Variants in EIF2D observed in about 807,000 individuals in gnomAD.
The protein encoded by EIF2D is eukaryotic translation initiation factor 2D, also known as hepatocellular carcinoma-associated antigen 56.
In EIF2D, 56 loss-of-function variants were observed where a neutral mutation model predicts 77.4. The observed-to-expected ratio is 0.72, with a 90% CI of 0.58 to 0.90. EIF2D has a LOEUF of 0.90. Ranked by LOEUF, EIF2D falls within the 40% of genes least tolerant of loss-of-function variation. EIF2D has a pLI of 0.00. For synonymous variants in EIF2D, 230 were observed against 271.0 expected, an observed-to-expected ratio of 0.85 and a Z score of 1.49; for missense variants, 574 against 706.5, an observed-to-expected ratio of 0.81 and a Z score of 2.13.
At chr1:206,593,508 A>AGAGTGTGTGT (rs10533643) in intron 14 of EIF2D, 111 bp downstream of exon 14, 43 of 401,558 alleles carry the variant, frequency 1.1e-4, no homozygotes, top group African/African-American at 4.9e-4. Flanking sequence ...AGAGAGAGAG[A>AGAGTGTGTGT]GTGTGTGTGT....
At chr1:206,582,452 A>G (rs1553406568) in intron 2 of EIF2D, among the ~76,000 whole-genome samples, 3 of 152,210 alleles carry the variant, frequency 2.0e-5, no homozygotes, top group Admixed American at 2.0e-4. Flanking sequence ...TCTTAGTCTC[A>G]ATAGTCTCAC....
At position 206,591,677 on chromosome 1, in the gene EIF2D, T is replaced by C. The variant is rs990729833; in HGVS notation, c.*98A>G. 9.2e-6 allele frequency: 10 copies of C among 1,090,122 alleles called. No individual in the cohort carries two copies. Among genetic ancestry groups the C allele is most frequent in the Middle Eastern group, 4.0e-4 (2 of 4,960 alleles). 67.5% of individuals were successfully genotyped at this position (1,090,122 alleles called of 1,614,324 possible). A position where few individuals can be genotyped will look rare whatever the true frequency, so the allele number is the denominator to read the frequency against. ...AATAAAAATTTATTTTTGTAAAGAA[T>C]TATATTTTGTATTTGCAAAAGCTGA... On this transcript the variant is annotated 3_prime_UTR_variant, in exon 15 of 15. Transcript: ENST00000271764.
In EIF2D at chr1:206,600,306, G is replaced by C; in HGVS notation, c.905C>G (p.Pro302Arg). The C allele has an allele frequency of 6.2e-7, 1 of 1,613,824 alleles. No homozygotes were observed. Among genetic ancestry groups the C allele is most frequent in the South Asian group, 1.1e-5 (1 of 91,044 alleles). The change falls in exon 8 of 15, where the codon CCC (proline) becomes CGC (arginine). Residue 302 changes from proline to arginine, a missense_variant and splice_region_variant. Coordinates refer to ENST00000271764, the MANE Select transcript of EIF2D (RefSeq NM_006893.3). ...CTTTATGTCCAGTTGTCGTCCTTCG[G>C]GGCTGATGGCAGATGGAAAAGGCAA... The part of the protein sequence containing the change: ...FLGSHMFSCC[P>R]EGRQLDIKKS...
chr1:206,590,100 GA>G (rs1426748712), downstream of EIF2D, among the ~76,000 whole-genome samples: 1 of 152,156 alleles, frequency 6.6e-6, no homozygotes, highest in Admixed American at 6.5e-5. Context: ...TAGCACATAG[GA>G]AAAAGAACCT....
chr1:206,581,327 G>T, intron 2 of EIF2D, among the ~76,000 whole-genome samples: 2 of 152,310 alleles, frequency 1.3e-5, no homozygotes, highest in South Asian at 4.1e-4. Flanking sequence ...GCTGGGTGCG[G>T]TGGCTCACAC....
exon 5 of EIF2D, chr1:206,572,598 G>A (rs1358640512): frequency 1.3e-5 from 2 of 152,146 alleles, no homozygotes; most frequent in African/African-American, 4.8e-5. Flanking sequence ...GCCCTACCTG[G>A]GACTGAACAG....
intron 2 of EIF2D, chr1:206,585,313 G>A (rs1272139525): frequency 3.1e-6 from 5 of 1,603,984 alleles, no homozygotes; most frequent in Admixed American, 1.7e-5. Flanking sequence ...TGGACCCATT[G>A]TGCAAACCCA....
chr1:206,603,026 A>T lies in EIF2D; in HGVS notation c.709T>A (p.Ser237Thr). The T allele has an allele frequency of 6.2e-7, 1 of 1,613,872 alleles. No individual in the cohort carries two copies. Among genetic ancestry groups the T allele is most frequent in the East Asian group, 2.2e-5 (1 of 44,866 alleles). Residue 237 changes from serine (S) to threonine (T), a missense_variant, in exon 6 of 15, where the codon TCT (serine) becomes ACT (threonine). Physicochemically the swap from Ser to Thr is moderately conservative, Grantham distance 58 (BLOSUM62 1). Coordinates refer to ENST00000271764, the MANE Select transcript of EIF2D (RefSeq NM_006893.3). ...GEVHQAREDK[S>T]LSEAPEDTST... ...GTGTCTTCTGGGGCTTCTGAGAGAG[A>T]CTTGTCTTCACGTGCCTGGTGAACC...
chr1:206,606,711 C>T (rs1474840634), intron 4 of EIF2D, among the ~76,000 whole-genome samples: 36 of 152,110 alleles, frequency 2.4e-4, no homozygotes, highest in African/African-American at 8.7e-4. Flanking sequence ...CCCTCCCATG[C>T]CTACCATCGC....
At chr1:206,600,422 GCC>G in intron 7 of EIF2D, 114 bp from the exon 8 acceptor site, 1 of 909,806 alleles carries the variant, frequency 1.1e-6, no homozygotes, top group Non-Finnish European at 1.7e-6. Context: ...TCAGAGAGAG[GCC>G]ACTGTGCCAG....
intron 2 of EIF2D, among the ~76,000 whole-genome samples, chr1:206,583,881 C>T (rs527848744): frequency 6.6e-6 from 1 of 152,296 alleles, no homozygotes; most frequent in East Asian, 1.9e-4. Context: ...CATCAGCTGG[C>T]TCTTTGGGGT....
chr1:206,586,441 GC>G (rs1669113639), intron 2 of EIF2D: 1 of 196,738 alleles, frequency 5.1e-6, no homozygotes, highest in Admixed American at 5.6e-5. Flanking sequence ...GTGGAGTCAG[GC>G]CCAACCCCGG....
At chr1:206,590,318 C>T (rs1326288723), downstream of EIF2D, among the ~76,000 whole-genome samples, 1 of 152,224 alleles carries the variant, frequency 6.6e-6, no homozygotes, top group Admixed American at 6.5e-5. Flanking sequence ...CTACCACTTA[C>T]TGGCTTTGTG....
chr1:206,585,436 G>C (rs1175449083), intron 2 of EIF2D: 1 of 669,256 alleles, frequency 1.5e-6, no homozygotes, highest in Admixed American at 2.2e-5. Context: ...GAGCAGGGGT[G>C]GGTGATGGGC....
chr1:206,586,936 AC>A, downstream of EIF2D: 1 of 1,614,166 alleles, frequency 6.2e-7, no homozygotes, highest in Non-Finnish European at 8.5e-7. Flanking sequence ...TTAGGCAGAA[AC>A]TGGAGGAGGC....
intron 5 of EIF2D, chr1:206,603,448 A>C (rs928055354): frequency 8.2e-6 from 4 of 487,632 alleles, no homozygotes; most frequent in Non-Finnish European, 1.5e-5. Flanking sequence ...TCCCTATCCC[A>C]AAAGAATAAT....
At chr1:206,590,050 T>G (rs1359821888), downstream of EIF2D, among the ~76,000 whole-genome samples, 1 of 152,232 alleles carries the variant, frequency 6.6e-6, no homozygotes, top group Non-Finnish European at 1.5e-5. Flanking sequence ...GTTAATAAAT[T>G]CAAAGTTGTA....
chr1:206,592,867 C>T lies in EIF2D; in HGVS notation c.1684+752G>A, dbSNP rs1333932133. Among the ~76,000 whole-genome samples, 7 of 151,956 alleles carry T rather than the reference C, an allele frequency of 4.6e-5. No individual in the cohort carries two copies. The highest frequency in any genetic ancestry group is 6.6e-5 in the Admixed American group (1 of 15,266). ...CTGTAATCCTAGCACTTTGGGAGGC[C>T]GAGGCAGGCGGATCATCTGAGGTCA... On this transcript the variant is annotated intron_variant, in intron 14 of 14. Transcript: ENST00000271764. This position sits in a 1 kb window ranked among gnomAD's most constrained non-coding sequence, Gnocchi z 4.7.
chr1:206,609,674 C>G (rs1670375508), intron 2 of EIF2D, among the ~76,000 whole-genome samples: 1 of 152,140 alleles, frequency 6.6e-6, no homozygotes, highest in Admixed American at 6.5e-5. Context: ...TTGGAGGCAT[C>G]CGGATTGCAG....
Sources: allele counts gnomAD v4.1 joint callset (sites outside exome capture counted in the v4.1 genomes callset), GRCh38; gene constraint gnomAD v4.1.1; non-coding constraint Gnocchi (gnomAD v3.1); transcripts MANE v1.5; gene names NCBI Gene and HGNC (gene_info 2026-07-23, HGNC 2026-07-21).